Variants in MYO18B observed in about 807,000 individuals in gnomAD.
MYO18B encodes unconventional myosin-XVIIIb.
A neutral mutation model predicts 273.0 loss-of-function variants in MYO18B; 204 were observed. The observed-to-expected ratio is 0.75, with a 90% CI of 0.67 to 0.84. MYO18B has a LOEUF of 0.84. Ranked by LOEUF, MYO18B falls within the 40% of genes least tolerant of loss-of-function variation. The probability of loss-of-function intolerance (pLI) is 0.00; values close to 1 mark genes in which losing one functional copy is unlikely to be tolerated. For synonymous variants in MYO18B, 1,330 were observed against 1,305.7 expected (o/e 1.02, Z -0.40); for missense variants, 3,212 against 3,287.6 (o/e 0.98, Z 0.56).
At chr22:25,936,007 C>A (rs997847207) in intron 34 of MYO18B, among the ~76,000 whole-genome samples, 4 of 152,172 alleles carry the variant, frequency 2.6e-5, no homozygotes, top group African/African-American at 9.7e-5. Context: ...CGACATGTGT[C>A]GAGTTCATAC....
intron 42 of MYO18B, among the ~76,000 whole-genome samples, chr22:26,017,350 TCCTTCCTTCCTC>T (rs906413628): frequency 2.0e-5 from 3 of 151,538 alleles, no homozygotes; most frequent in South Asian, 2.1e-4. Context: ...CTTCCTTCCT[TCCTTCCTTCCTC>T]CCTTCCTTCC....
intron 34 of MYO18B, among the ~76,000 whole-genome samples, chr22:25,939,426 G>A (rs1034286375): frequency 7.2e-5 from 11 of 152,282 alleles, no homozygotes; most frequent in Admixed American, 2.0e-4. Context: ...CAGACTCTTC[G>A]ATCTTGCCCA....
At chr22:25,918,965 T>G (rs1229277981) in intron 33 of MYO18B, among the ~76,000 whole-genome samples, 1 of 152,192 alleles carries the variant, frequency 6.6e-6, no homozygotes, top group Non-Finnish European at 1.5e-5. Flanking sequence ...AATATGACAT[T>G]GGGCAGATCA....
Position 26,027,284 on chromosome 22 carries a change from C to G in MYO18B, c.7310C>G (p.Thr2437Ser). ...CCAAGCCTCGACTACGAACGCAAGACCAAAGTGGACTTCGATGACTTCCTC... is the reference window on the plus strand; with the variant it reads ...CCAAGCCTCGACTACGAACGCAAGAGCAAAGTGGACTTCGATGACTTCCTC... ...KLPSLDYERKTKVDFDDFLPA... is the reference protein window; with the variant it reads ...KLPSLDYERKSKVDFDDFLPA... The change falls in exon 43 of 44, where the codon ACC (threonine) becomes AGC (serine). Residue 2437 changes from threonine (T) to serine (S), a missense_variant. Physicochemically the swap from Thr to Ser is moderately conservative, Grantham distance 58. Transcript: ENST00000335473. The surrounding 1 kb of genome is among the most constrained non-coding windows in gnomAD (Gnocchi z 4.1). The G allele has an allele frequency of 1.9e-6, 3 of 1,614,024 alleles. No homozygotes were observed. The highest frequency in any genetic ancestry group is 1.7e-6 in the Non-Finnish European group (2 of 1,179,896).
At position 25,769,015 on chromosome 22, in the gene MYO18B, G is replaced by A; in HGVS notation, c.1099G>A (p.Asp367Asn). 6.2e-7 allele frequency: 1 copy of A among 1,611,206 alleles called. No individual in the cohort carries two copies. ...AAGCCAAGTGCAGGGCGAGTTGGGG[G>A]ACGATCTGAGAATGGGGGAGAAAGC... ...KTSQVQGELGDDLRMGEKAGE... is the reference protein window; with the variant it reads ...KTSQVQGELGNDLRMGEKAGE... Residue 367 changes from aspartate to asparagine, a missense_variant, in exon 4 of 44, where the codon GAC (aspartate) becomes AAC (asparagine). Coordinates refer to ENST00000335473, the MANE Select transcript of MYO18B (RefSeq NM_032608.7).
intron 42 of MYO18B, among the ~76,000 whole-genome samples, chr22:26,022,501 C>G (rs556024850): frequency 2.0e-5 from 3 of 152,236 alleles, no homozygotes; most frequent in Middle Eastern, 3.4e-3. Flanking sequence ...GTGGTGCAGA[C>G]AGGAAGTAGA....
At position 25,895,286 on chromosome 22, in the gene MYO18B, A is replaced by C; in HGVS notation, c.4668+6A>C. 5 of 1,591,590 alleles carry C rather than the reference A, an allele frequency of 3.1e-6. No homozygotes were observed. The highest frequency in any genetic ancestry group is 4.3e-6 in the Non-Finnish European group (5 of 1,169,122). ...GGAAAGAGCTGGAGCAAAAGGTAAG[A>C]TGTGGGGATAGTCTGGGCCACAGAA... On this transcript the variant is annotated splice_donor_region_variant and intron_variant, in intron 28 of 43. Transcript: ENST00000335473.
At chr22:25,942,545 A>G (rs2092656597) in intron 34 of MYO18B, among the ~76,000 whole-genome samples, 1 of 152,212 alleles carries the variant, frequency 6.6e-6, no homozygotes, top group African/African-American at 2.4e-5. Context: ...TCAGTAGTTA[A>G]GAGCTTGGGC....
chr22:26,012,413 G>A (rs556841838), intron 42 of MYO18B, among the ~76,000 whole-genome samples: 1 of 152,304 alleles, frequency 6.6e-6, no homozygotes, highest in East Asian at 1.9e-4. Context: ...TAATGAAAGG[G>A]CCTCTCATGA....
At chr22:25,750,584 G>T (rs1283094716) in intron 1 of MYO18B, among the ~76,000 whole-genome samples, 3 of 152,202 alleles carry the variant, frequency 2.0e-5, no homozygotes, top group African/African-American at 7.2e-5. Flanking sequence ...CCCTCTGCCT[G>T]CCTCCAGGAA....
At chr22:25,995,858 C>T (rs920507736) in intron 40 of MYO18B, among the ~76,000 whole-genome samples, 2 of 152,202 alleles carry the variant, frequency 1.3e-5, no homozygotes, top group African/African-American at 4.8e-5. Context: ...TTCCTCCCTG[C>T]TGGGCGTCTG....
At chr22:25,836,402 T>G (rs549970158) in intron 17 of MYO18B, among the ~76,000 whole-genome samples, 1 of 152,192 alleles carries the variant, frequency 6.6e-6, no homozygotes, top group African/African-American at 2.4e-5. Flanking sequence ...TTGATGAGGA[T>G]GAGGATGCTG....
At chr22:26,060,587 G>C in the MYO18B span, among the ~76,000 whole-genome samples, 1 of 151,838 alleles carries the variant, frequency 6.6e-6, no homozygotes, top group Non-Finnish European at 1.5e-5. Flanking sequence ...ACATACACAC[G>C]TATACACACA....
In MYO18B at chr22:25,769,059, G is replaced by A. The variant is rs568165281; in HGVS notation, c.1143G>A (p.Thr381=). Residue 381 remains threonine, a synonymous_variant, in exon 4 of 44, where the codon ACG becomes ACA. Coordinates refer to ENST00000335473, the MANE Select transcript of MYO18B (RefSeq NM_032608.7). ...MGEKAGELRS[T]TGKAGESWDK... ...AGAAAGCAGGTGAGCTTCGGAGCACGACTGGGAAGGCAGGTGAGTCCTGGG... is the reference window on the plus strand; with the variant it reads ...AGAAAGCAGGTGAGCTTCGGAGCACAACTGGGAAGGCAGGTGAGTCCTGGG... 6.2e-6 allele frequency: 10 copies of A among 1,612,324 alleles called. No individual in the cohort carries two copies. The highest frequency in any genetic ancestry group is 2.2e-5 in the South Asian group (2 of 90,704).
chr22:25,939,232 T>C (rs2092615902), intron 34 of MYO18B, among the ~76,000 whole-genome samples: 1 of 152,194 alleles, frequency 6.6e-6, no homozygotes, highest in Non-Finnish European at 1.5e-5. Flanking sequence ...TTGGCTTGCA[T>C]AGAAAAAGGG....
At chr22:25,785,036 G>T (rs1410915879) in intron 10 of MYO18B, among the ~76,000 whole-genome samples, 1 of 152,162 alleles carries the variant, frequency 6.6e-6, no homozygotes, top group Non-Finnish European at 1.5e-5. Context: ...AATAATATTT[G>T]TACCCATGGA....
Position 25,768,188 on chromosome 22 carries a change from C to G in MYO18B, c.272C>G (p.Ser91Cys), listed in dbSNP as rs1485515541. Reference sequence around the variant, plus strand: ...ACCAGATCTGGAAGCCAGCAGATCTCTCAGGACGACCAGTCAAGCTCTCCT... The same window carrying G: ...ACCAGATCTGGAAGCCAGCAGATCTGTCAGGACGACCAGTCAAGCTCTCCT... ...SGTRSGSQQI[S>C]QDDQSSSPGS... The change falls in exon 4 of 44, where the codon TCT becomes TGT. Residue 91 changes from serine (S) to cysteine (C), a missense_variant. Transcript: ENST00000335473. The G allele has an allele frequency of 6.2e-7, 1 of 1,613,858 alleles. No individual in the cohort carries two copies. The highest frequency in any genetic ancestry group is 8.5e-7 in the Non-Finnish European group (1 of 1,179,836).
the MYO18B span, among the ~76,000 whole-genome samples, chr22:26,043,845 A>T: frequency 6.6e-6 from 1 of 151,836 alleles, no homozygotes; most frequent in Non-Finnish European, 1.5e-5. Flanking sequence ...TGAGGGTCTT[A>T]CTATGTTGCT....
At chr22:25,942,493 C>T (rs1441037268) in intron 34 of MYO18B, among the ~76,000 whole-genome samples, 1 of 152,212 alleles carries the variant, frequency 6.6e-6, no homozygotes, top group East Asian at 1.9e-4. Flanking sequence ...TCTGTGTGGT[C>T]AGACCTCCCA....
Sources: allele counts gnomAD v4.1 joint callset (sites outside exome capture counted in the v4.1 genomes callset), GRCh38; gene constraint gnomAD v4.1.1; non-coding constraint Gnocchi (gnomAD v3.1); transcripts MANE v1.5; gene names NCBI Gene and HGNC (gene_info 2026-07-23, HGNC 2026-07-21).